The following MIA2 variants were observed in gnomAD, a reference collection of about 807,000 sequenced individuals.
MIA2 encodes the protein melanoma inhibitory activity protein 2.
MIA2 carries 127 observed loss-of-function variants against 167.8 expected under a neutral mutation model. The ratio of observed to expected loss-of-function variants is 0.76; its 90% confidence interval spans 0.66 to 0.88. MIA2 has a LOEUF of 0.88. Among genes scored for constraint, MIA2 ranks in the 40% least tolerant of loss-of-function variants. The pLI, the probability that MIA2 is intolerant of heterozygous loss-of-function variation, is 0.00. For missense variants in MIA2, 1,690 were observed against 1,624.7 expected (o/e 1.04, Z -0.69); for synonymous variants, 552 against 541.9 (o/e 1.02, Z -0.26).
intron 13 of MIA2, 115 bp from the exon 14 acceptor site, chr14:39,299,749 T>C: frequency 9.4e-7 from 1 of 1,061,686 alleles, no homozygotes; most frequent in Non-Finnish European, 1.3e-6. Flanking sequence ...TTTTGAAAGT[T>C]CTTTGAAAAT....
At chr14:39,381,667 G>GTTTTTTTTTTTTTTT (rs398057014) in intron 23 of MIA2, among the ~76,000 whole-genome samples, 1 of 145,318 alleles carries the variant, frequency 6.9e-6, no homozygotes, top group African/African-American at 2.5e-5. Context: ...TTTGCTGGCT[G>GTTTTTTTTTTTTTTT]TTTTTTTTTT....
downstream of MIA2, among the ~76,000 whole-genome samples, chr14:39,354,143 C>G (rs139886251): frequency 2.9e-3 from 437 of 152,282 alleles, no homozygotes; most frequent in African/African-American, 0.01. Context: ...TCACCACAAT[C>G]ACTTCCACAA....
rs772865149 is a variant in MIA2 at position 39,319,308 on chromosome 14, T to TA, written c.3367+18dup. The TA allele has an allele frequency of 3.6e-5, 49 of 1,347,646 alleles. No individual in the cohort carries two copies. Among genetic ancestry groups the TA allele is most frequent in the African/African-American group, 5.9e-5 (4 of 68,158 alleles). 83.5% of individuals were successfully genotyped at this position (1,347,646 alleles called of 1,614,324 possible). A position where few individuals can be genotyped will look rare whatever the true frequency, so the allele number is the denominator to read the frequency against. ...TTGGCAGAGGTAGTCTTTTTTTTTT[T>TA]ACCCCTCATTTAAAATACATATTTT... is the stretch of plus-strand genomic sequence containing the variant. On this transcript the variant is annotated intron_variant, in intron 23 of 28. Coordinates refer to ENST00000640607, the MANE Select transcript of MIA2 (RefSeq NM_001329214.4).
intron 6 of MIA2, among the ~76,000 whole-genome samples, chr14:39,273,437 C>T (rs185782378): frequency 5.8e-4 from 88 of 152,124 alleles, no homozygotes; most frequent in African/African-American, 2.0e-3. Flanking sequence ...ACTGCCGTCT[C>T]GACTTCCTGG....
intron 23 of MIA2, among the ~76,000 whole-genome samples, chr14:39,375,493 C>T (rs973136271): frequency 3.9e-5 from 6 of 152,046 alleles, no homozygotes; most frequent in African/African-American, 7.2e-5. Context: ...CTCAGAAGTT[C>T]GAGACCAGCC....
At chr14:39,352,956 T>C (rs991202468), downstream of MIA2, among the ~76,000 whole-genome samples, 3 of 152,202 alleles carry the variant, frequency 2.0e-5, no homozygotes, top group Non-Finnish European at 4.4e-5. Context: ...ACAGTAGATC[T>C]CTTGAACTTA....
At position 39,293,926 on chromosome 14, in the gene MIA2, A is replaced by T. The variant is rs554073756; in HGVS notation, c.2320-74A>T. The T allele has an allele frequency of 1.4e-4, 160 of 1,112,676 alleles. No homozygotes were observed. The South Asian group carries it at 1.8e-3, about 12-fold the overall frequency. 68.9% of individuals were successfully genotyped at this position (1,112,676 alleles called of 1,614,324 possible). On this transcript the variant is annotated intron_variant, in intron 11 of 28. Transcript: ENST00000640607. ...TATGGAGCTAAAGTGTTAGGTTAAC[A>T]GTATATCTAATAAACATGGCATTTT...
intron 9 of MIA2, among the ~76,000 whole-genome samples, chr14:39,285,339 G>GCC (rs1446325950): frequency 4.5e-4 from 68 of 151,266 alleles, no homozygotes; most frequent in African/African-American, 1.6e-3. Flanking sequence ...GGGCAGAGGC[G>GCC]CCCCCCCACC....
intron 2 of MIA2, among the ~76,000 whole-genome samples, chr14:39,240,237 A>G (rs72673379): frequency 0.07 from 10,701 of 152,254 alleles, 393 homozygotes; most frequent in African/African-American, 0.096. Flanking sequence ...TCCCAGGTCT[A>G]CTAGTGTAAA....
Position 39,304,357 on chromosome 14 carries a change from G to C in MIA2, c.2854G>C (p.Asp952His), listed in dbSNP as rs769171309. The change falls in exon 17 of 29, where the codon GAT (aspartate) becomes CAT (histidine). Residue 952 changes from aspartate to histidine, a missense_variant. Coordinates refer to ENST00000640607, the MANE Select transcript of MIA2 (RefSeq NM_001329214.4). ...NQIYIQLSEVDKTKEELTEHI... is the reference protein window; with the variant it reads ...NQIYIQLSEVHKTKEELTEHI... ...AATTTATATTCAGTTGTCTGAAGTTGATAAAACAAAGGAAGAGCTTACAGG... is the reference window on the plus strand; with the variant it reads ...AATTTATATTCAGTTGTCTGAAGTTCATAAAACAAAGGAAGAGCTTACAGG... 3.2e-6 allele frequency: 5 copies of C among 1,568,544 alleles called. No individual in the cohort carries two copies. The highest frequency in any genetic ancestry group is 4.3e-6 in the Non-Finnish European group (5 of 1,156,824).
intron 13 of MIA2, among the ~76,000 whole-genome samples, chr14:39,298,039 G>A (rs775283137): frequency 6.7e-6 from 1 of 148,366 alleles, no homozygotes; most frequent in African/African-American, 2.5e-5. Context: ...TTTTTTCCTT[G>A]TGGGTTTATG....
At chr14:39,360,554 T>G (rs1429737423) in intron 23 of MIA2, among the ~76,000 whole-genome samples, 3 of 152,178 alleles carry the variant, frequency 2.0e-5, no homozygotes, top group Non-Finnish European at 4.4e-5. Context: ...ATATTAGTCC[T>G]TTGTTGAATG....
chr14:39,291,003 T>C lies in MIA2; in HGVS notation c.2131-16T>C, dbSNP rs772007092. ...CAATTGGTAGAGTTTTTACTTGTGA[T>C]GTTGCTTTGTTTCAGTATGAAGGCT... On this transcript the variant is annotated splice_polypyrimidine_tract_variant and intron_variant, in intron 9 of 28. Coordinates refer to ENST00000640607, the MANE Select transcript of MIA2 (RefSeq NM_001329214.4). 1.3e-6 allele frequency: 2 copies of C among 1,595,450 alleles called. No individual in the cohort carries two copies. Among genetic ancestry groups the C allele is most frequent in the Admixed American group, 1.8e-5 (1 of 56,932 alleles).
At chr14:39,353,387 C>G (rs1399177473), downstream of MIA2, among the ~76,000 whole-genome samples, 1 of 152,124 alleles carries the variant, frequency 6.6e-6, no homozygotes, top group African/African-American at 2.4e-5. Context: ...TCATTCTATT[C>G]TCTGTGTACA....
chr14:39,385,171 T>C (rs1314701087), intron 23 of MIA2, among the ~76,000 whole-genome samples: 1 of 152,224 alleles, frequency 6.6e-6, no homozygotes, highest in Non-Finnish European at 1.5e-5. Context: ...GCAGGGAATG[T>C]CATGTTGTAC....
chr14:39,325,758 G>A (rs1595644068), intron 24 of MIA2, among the ~76,000 whole-genome samples: 1 of 150,170 alleles, frequency 6.7e-6, no homozygotes, highest in Non-Finnish European at 1.5e-5. Context: ...CTGTCACCCA[G>A]GCTGGAGTGC....
intron 6 of MIA2, 52 bp downstream of exon 6, chr14:39,253,223 A>G (rs755735701): frequency 2.5e-6 from 4 of 1,595,672 alleles, no homozygotes; most frequent in Middle Eastern, 1.7e-4. Context: ...TTTGCTAAAT[A>G]TAAGAGTGGC....
At chr14:39,345,566 T>G (rs942326988) in intron 25 of MIA2, among the ~76,000 whole-genome samples, 3 of 152,210 alleles carry the variant, frequency 2.0e-5, no homozygotes, top group Non-Finnish European at 4.4e-5. Flanking sequence ...CCTGGGTCTT[T>G]TTTGATACAT....
chr14:39,247,006 T>C lies in MIA2; in HGVS notation c.432T>C (p.Tyr144=). The C allele has an allele frequency of 5.7e-6, 9 of 1,585,634 alleles. No individual in the cohort carries two copies. Among genetic ancestry groups the C allele is most frequent in the Non-Finnish European group, 7.7e-6 (9 of 1,169,554 alleles). Residue 144 remains tyrosine, a synonymous_variant, in exon 4 of 29, where the codon TAT becomes TAC. Transcript: ENST00000640607. ...NGDYGENIYP[Y]EEDKDEKSSI... ...ATTATGGTGAAAATATATATCCTTA[T>C]GAAGAAGATAAAGATGAAAAATCTA...
Sources: allele counts gnomAD v4.1 joint callset (sites outside exome capture counted in the v4.1 genomes callset), GRCh38; gene constraint gnomAD v4.1.1; transcripts MANE v1.5; gene names NCBI Gene and HGNC (gene_info 2026-07-23, HGNC 2026-07-21).